Variants in ZNF578 observed in about 807,000 individuals in gnomAD.
ZNF578 encodes zinc finger protein 578.
Under a neutral mutation model 8.3 loss-of-function variants are expected in ZNF578, and 8 were observed. That is an observed-to-expected ratio of 0.96 (90% CI 0.56 to 1.74). The LOEUF (loss-of-function observed/expected upper bound fraction) is 1.74, where lower values mean the gene tolerates loss of function less well. ZNF578 is among the 40% of genes most tolerant of loss of function. The probability of loss-of-function intolerance (pLI) is 0.00; values close to 1 mark genes in which losing one functional copy is unlikely to be tolerated. For synonymous variants in ZNF578, 206 were observed against 232.2 expected (o/e 0.89, Z 1.03); for missense variants, 726 against 707.5 (o/e 1.03, Z -0.30).
At chr19:52,456,135 C>T (rs1477860027) in intron 1 of ZNF578, 1 of 152,302 alleles carries the variant, frequency 6.6e-6, no homozygotes, top group African/African-American at 2.4e-5. Context: ...ATCACCTTCT[C>T]AGTGAAGGTT....
intron 2 of ZNF578, among the ~76,000 whole-genome samples, chr19:52,486,837 TAAG>T (rs1469750201): frequency 6.6e-6 from 1 of 150,830 alleles, no homozygotes; most frequent in Admixed American, 6.6e-5. Flanking sequence ...GAAGGAGCAA[TAAG>T]AGGTTAAATA....
At position 52,513,337 on chromosome 19, in the gene ZNF578, CTTTTTTTTTTTTTTTT is replaced by C. The variant is rs11318311; in HGVS notation, c.*1192_*1207del. Among the ~76,000 whole-genome samples the C allele has an allele frequency of 9.9e-6, 1 of 101,342 alleles. No individual in the cohort carries two copies. Among genetic ancestry groups the C allele is most frequent in the African/African-American group, 3.4e-5 (1 of 29,702 alleles). The allele number at this position is 101,342 out of a possible 152,430, so 66.5% of individuals were successfully genotyped here. ...GCGCCTGGCATTGTTTCTTCTTTTC[CTTTTTTTTTTTTTTTT>C]TTTTTTTTGAGATAGTACTTTTTAA... On this transcript the variant is annotated 3_prime_UTR_variant, in exon 6 of 6. Coordinates refer to ENST00000421239, the MANE Select transcript of ZNF578 (RefSeq NM_001099694.2).
intron 2 of ZNF578, among the ~76,000 whole-genome samples, chr19:52,476,613 G>T (rs1206098089): frequency 1.3e-5 from 2 of 152,076 alleles, no homozygotes; most frequent in Non-Finnish European, 2.9e-5. Context: ...TCACTTGTAA[G>T]TCTGCTATCC....
chr19:52,482,834 G>A (rs537603485), intron 2 of ZNF578, among the ~76,000 whole-genome samples: 1 of 151,596 alleles, frequency 6.6e-6, no homozygotes, highest in Non-Finnish European at 1.5e-5. Flanking sequence ...CTACTTCGGA[G>A]GCTGAGGCAG....
intron 1 of ZNF578, chr19:52,454,155 C>T (rs1025793722): frequency 2.0e-5 from 3 of 152,196 alleles, no homozygotes; most frequent in Non-Finnish European, 1.5e-5. Context: ...CAGTGTTTTT[C>T]CGTTCCAAAT....
intron 5 of ZNF578, among the ~76,000 whole-genome samples, chr19:52,508,507 A>G (rs988136424): frequency 1.4e-4 from 22 of 151,952 alleles, no homozygotes; most frequent in Non-Finnish European, 1.0e-4. Flanking sequence ...CCACTATCAG[A>G]TGATAGTGGA....
Position 52,510,947 on chromosome 19 carries a change from C to T in ZNF578, c.566C>T (p.Ser189Leu), listed in dbSNP as rs763849150. 1.9e-6 allele frequency: 3 copies of T among 1,614,192 alleles called. No homozygotes were observed. The highest frequency in any genetic ancestry group is 2.2e-5 in the South Asian group (2 of 91,086). Reference sequence around the variant, plus strand: ...GAGAAGTCTGTCAACGATGCTTCCTCAATTTCAACATCCCAAAGAATTTCT... The same window carrying T: ...GAGAAGTCTGTCAACGATGCTTCCTTAATTTCAACATCCCAAAGAATTTCT... ...QVEKSVNDAS[S>L]ISTSQRISCR... Residue 189 changes from serine (S) to leucine (L), a missense_variant, in exon 6 of 6, where the codon TCA becomes TTA. Coordinates refer to ENST00000421239, the MANE Select transcript of ZNF578 (RefSeq NM_001099694.2).
chr19:52,462,413 A>G (rs1264436108), intron 2 of ZNF578, among the ~76,000 whole-genome samples: 1 of 152,212 alleles, frequency 6.6e-6, no homozygotes, highest in Non-Finnish European at 1.5e-5. Context: ...CTGTAGGCTC[A>G]GGCATCCAAA....
intron 5 of ZNF578, among the ~76,000 whole-genome samples, chr19:52,509,850 A>C (rs2059438205): frequency 6.6e-6 from 1 of 152,018 alleles, no homozygotes; most frequent in Admixed American, 6.6e-5. Context: ...TATTGAGAAA[A>C]GTATTGTATT....
chr19:52,496,525 G>C lies in ZNF578; in HGVS notation c.-20+5100G>C, dbSNP rs8102745. Among the ~76,000 whole-genome samples, 4 of 114,296 alleles carry C rather than the reference G, an allele frequency of 3.5e-5. 1 individual carries two copies. The highest frequency in any genetic ancestry group is 6.4e-5 in the African/African-American group (2 of 31,428). The allele number at this position is 114,296 out of a possible 152,430, so 75.0% of individuals were successfully genotyped here. ...TTTGTATTTTTAGTAGAGACGGGGT[G>C]TCACCATGTTAGCCAGGATGGTCTC... On this transcript the variant is annotated intron_variant, in intron 3 of 5. Transcript: ENST00000421239.
intron 2 of ZNF578, among the ~76,000 whole-genome samples, chr19:52,467,411 A>G (rs1446750968): frequency 6.6e-6 from 1 of 152,126 alleles, no homozygotes; most frequent in African/African-American, 2.4e-5. Flanking sequence ...AGCCTGGGCA[A>G]CAAGAGCAAA....
At chr19:52,497,783 A>G (rs1046422392) in intron 3 of ZNF578, among the ~76,000 whole-genome samples, 2 of 152,200 alleles carry the variant, frequency 1.3e-5, no homozygotes, top group Non-Finnish European at 2.9e-5. Context: ...AAATTTAGTT[A>G]AAGTAGCCTA....
intron 5 of ZNF578, among the ~76,000 whole-genome samples, chr19:52,505,554 T>C (rs1180587654): frequency 6.6e-6 from 1 of 152,106 alleles, no homozygotes; most frequent in Non-Finnish European, 1.5e-5. Flanking sequence ...CCTGAGTAGC[T>C]GGGATTACAG....
At position 52,459,638 on chromosome 19, in the gene ZNF578, CA is replaced by C. The variant is rs1311657004; in HGVS notation, c.-122+2681del. ...ACACACACACACACACACACACACA[CA>C]CACACACACACATATATATACTACC... On this transcript the variant is annotated intron_variant, in intron 2 of 5. Coordinates refer to ENST00000421239, the MANE Select transcript of ZNF578 (RefSeq NM_001099694.2). 7.4e-5 allele frequency among the ~76,000 whole-genome samples: 10 copies of C among 134,976 alleles called. No homozygotes were observed. In the East Asian group the frequency reaches 2.3e-3, roughly 31 times the overall value. 88.5% of individuals were successfully genotyped at this position (134,976 alleles called of 152,430 possible).
rs114905108 is a variant in ZNF578, at chr19:52,500,349, G to A, written c.-19-1478G>A. Reference sequence around the variant, plus strand: ...CAAAGGCAGGAAGACTTGAAGCAGGGAAGGGGCTTTTAGGTCACAGAGAAC... The same window carrying A: ...CAAAGGCAGGAAGACTTGAAGCAGGAAAGGGGCTTTTAGGTCACAGAGAAC... On this transcript the variant is annotated intron_variant, in intron 3 of 5. Coordinates refer to ENST00000421239, the MANE Select transcript of ZNF578 (RefSeq NM_001099694.2). Among the ~76,000 whole-genome samples the A allele has an allele frequency of 4.1e-3, 622 of 151,992 alleles. 4 individuals are homozygous for A. Among genetic ancestry groups the A allele is most frequent in the African/African-American group, 0.014 (598 of 41,470 alleles).
chr19:52,493,169 G>A (rs1237813739), intron 3 of ZNF578, among the ~76,000 whole-genome samples: 1 of 152,126 alleles, frequency 6.6e-6, no homozygotes, highest in Non-Finnish European at 1.5e-5. Context: ...CACCCGCGAG[G>A]TGGATTCCCG....
intron 2 of ZNF578, among the ~76,000 whole-genome samples, chr19:52,464,119 A>C (rs2059267068): frequency 6.6e-6 from 1 of 152,204 alleles, no homozygotes; most frequent in Non-Finnish European, 1.5e-5. Flanking sequence ...CATCTGATCT[A>C]AATATACTGT....
At chr19:52,464,983 T>G (rs1273000743) in intron 2 of ZNF578, among the ~76,000 whole-genome samples, 1 of 152,214 alleles carries the variant, frequency 6.6e-6, no homozygotes, top group Non-Finnish European at 1.5e-5. Context: ...TCGGTTGAAT[T>G]ACAGCTTTGA....
intron 2 of ZNF578, chr19:52,473,485 A>G (rs1379551204): frequency 1.3e-5 from 2 of 154,384 alleles, no homozygotes; most frequent in Non-Finnish European, 2.9e-5. Flanking sequence ...TACATTTTTA[A>G]GGTTTCTGTG....
Sources: allele counts gnomAD v4.1 joint callset (sites outside exome capture counted in the v4.1 genomes callset), GRCh38; gene constraint gnomAD v4.1.1; transcripts MANE v1.5; gene names NCBI Gene and HGNC (gene_info 2026-07-23, HGNC 2026-07-21).